Variants in GOLGA3 observed in about 807,000 individuals in gnomAD.
GOLGA3 encodes golgin subfamily A member 3.
Under a neutral mutation model 169.4 loss-of-function variants are expected in GOLGA3, and 75 were observed. The observed-to-expected ratio is 0.44, with a 90% CI of 0.37 to 0.54. The LOEUF (loss-of-function observed/expected upper bound fraction) is 0.54. Among genes scored for constraint, GOLGA3 ranks in the 20% least tolerant of loss-of-function variants. The pLI is 0.00. For synonymous variants in GOLGA3, 824 were observed against 822.4 expected, an observed-to-expected ratio of 1.00 and a Z score of -0.03; for missense variants, 1,899 against 1,930.0, an observed-to-expected ratio of 0.98 and a Z score of 0.30.
At chr12:132,818,084 T>C in intron 2 of GOLGA3, among the ~76,000 whole-genome samples, 1 of 135,588 alleles carries the variant, frequency 7.4e-6, no homozygotes. Flanking sequence ...CCTCCACACC[T>C]CCACGCTCTA....
chr12:132,807,481 G>A (rs10870515), intron 5 of GOLGA3, among the ~76,000 whole-genome samples, 193 bp from the exon 6 acceptor site: 31,143 of 152,144 alleles, frequency 0.2, 3,372 homozygotes, highest in African/African-American at 0.27. Context: ...GGCACCTCAC[G>A]CAGTGGGAAC....
At chr12:132,789,739 A>T (rs2046121461) in intron 12 of GOLGA3, among the ~76,000 whole-genome samples, 1 of 152,100 alleles carries the variant, frequency 6.6e-6, no homozygotes, top group African/African-American at 2.4e-5. Flanking sequence ...ACTCTCAGAA[A>T]TAAAATACAG....
chr12:132,815,953 C>T (rs773131849), intron 3 of GOLGA3, among the ~76,000 whole-genome samples: 1 of 152,062 alleles, frequency 6.6e-6, no homozygotes, highest in Middle Eastern at 3.2e-3. Context: ...AATCCCAACA[C>T]TTTGGGAGGC....
chr12:132,817,578 G>A (rs879121100), intron 2 of GOLGA3, among the ~76,000 whole-genome samples: 1 of 2,396 alleles, frequency 4.2e-4, no homozygotes. Flanking sequence ...ACGTGAACCC[G>A]CCCTCCACTC....
intron 4 of GOLGA3, among the ~76,000 whole-genome samples, chr12:132,812,002 C>CAAAA (rs71076477): frequency 7.3e-4 from 29 of 39,592 alleles, no homozygotes; most frequent in South Asian, 3.1e-3. Context: ...CTCCGTCTCT[C>CAAAA]AAAAAAAAAA....
Position 132,776,748 on chromosome 12 carries a change from A to T in GOLGA3, c.3864T>A (p.Asn1288Lys). The change falls in exon 21 of 24, where the codon AAT (asparagine) becomes AAA (lysine). Residue 1288 changes from asparagine to lysine, a missense_variant. Transcript: ENST00000450791. Reference sequence around the variant, plus strand: ...CTTTCTGATCCACCTCCCATTTGAGATTTTCCATCTAAAGAGGGGAAAGTC... The same window carrying T: ...CTTTCTGATCCACCTCCCATTTGAGTTTTTCCATCTAAAGAGGGGAAAGTC... ...KQPVGNQEME[N>K]LKWEVDQKER... 1 of 1,613,936 alleles carries T rather than the reference A, an allele frequency of 6.2e-7. No individual in the cohort carries two copies. Among genetic ancestry groups the T allele is most frequent in the Non-Finnish European group, 8.5e-7 (1 of 1,179,984 alleles).
chr12:132,786,459 G>T lies in GOLGA3; in HGVS notation c.3003C>A (p.Asn1001Lys). The change falls in exon 15 of 24, where the codon AAC becomes AAA. Residue 1001 changes from asparagine (N) to lysine (K), a missense_variant. By Grantham distance (94) the Asn-to-Lys change is moderately conservative (BLOSUM62 0). Transcript: ENST00000450791. ...EMKTKHKAYE[N>K]AVGILSRRLQ... ...GGCGGCGGCTGAGGATGCCCACGGC[G>T]TTCTCGTAGGCCTTATGTTTGGTCT... 6.2e-7 allele frequency: 1 copy of T among 1,613,618 alleles called. No homozygotes were observed. The highest frequency in any genetic ancestry group is 8.5e-7 in the Non-Finnish European group (1 of 1,179,848).
At position 132,777,481 on chromosome 12, in the gene GOLGA3, C is replaced by G. The variant is rs1469175755; in HGVS notation, c.3722+185G>C. ...CGCTTTCTCTCTTGGGGGGAGGACA[C>G]GGGGCAGTGAGTGAGGCTCAGGATT... On this transcript the variant is annotated intron_variant, in intron 19 of 23. Coordinates refer to ENST00000450791, the MANE Select transcript of GOLGA3 (RefSeq NM_001389683.1). This position sits in a 1 kb window ranked among gnomAD's most constrained non-coding sequence, Gnocchi z 4.7. Among the ~76,000 whole-genome samples, 1 of 152,186 alleles carries G rather than the reference C, an allele frequency of 6.6e-6. No individual in the cohort carries two copies. The highest frequency in any genetic ancestry group is 2.4e-5 in the African/African-American group (1 of 41,442).
Position 132,773,067 on chromosome 12 carries a change from T to C in GOLGA3, c.*38A>G. 2 of 1,388,182 alleles carry C rather than the reference T, an allele frequency of 1.4e-6. No individual in the cohort carries two copies. Among genetic ancestry groups the C allele is most frequent in the Non-Finnish European group, 1.9e-6 (2 of 1,026,374 alleles). 86.0% of individuals were successfully genotyped at this position (1,388,182 alleles called of 1,614,324 possible). ...CAAATAAATAACATTGATAAGAGCC[T>C]TCTGGGGCAGCGGCGCACGGAGGCG... On this transcript the variant is annotated 3_prime_UTR_variant, in exon 24 of 24. Coordinates refer to ENST00000450791, the MANE Select transcript of GOLGA3 (RefSeq NM_001389683.1).
At chr12:132,775,413 C>T in intron 21 of GOLGA3, 108 bp from the exon 22 acceptor site, 10 of 946,428 alleles carry the variant, frequency 1.1e-5, no homozygotes, top group Non-Finnish European at 1.6e-5. Context: ...CTCCTCGGCG[C>T]CATCTAGATG....
chr12:132,773,439 A>AT, intron 23 of GOLGA3, 145 bp from the exon 24 acceptor site: 1 of 433,186 alleles, frequency 2.3e-6, no homozygotes, highest in Non-Finnish European at 4.1e-6. Flanking sequence ...ACAGAAGCTC[A>AT]GCTGTTCTCA....
chr12:132,806,318 G>A (rs1025225754), intron 6 of GOLGA3, among the ~76,000 whole-genome samples: 1 of 152,196 alleles, frequency 6.6e-6, no homozygotes, highest in Non-Finnish European at 1.5e-5. Context: ...CACAGAGGAG[G>A]GGAAATGCAT....
At chr12:132,823,040 G>C (rs1336949648) in intron 1 of GOLGA3, among the ~76,000 whole-genome samples, 2 of 152,226 alleles carry the variant, frequency 1.3e-5, no homozygotes, top group East Asian at 3.8e-4. Context: ...GGACAACTCA[G>C]ATCCAGAGAA....
At chr12:132,785,166 C>T (rs980865771) in intron 15 of GOLGA3, among the ~76,000 whole-genome samples, 18 of 152,218 alleles carry the variant, frequency 1.2e-4, no homozygotes, top group African/African-American at 4.3e-4. Flanking sequence ...TGCTATTCCT[C>T]AGCTGCAACA....
At chr12:132,780,739 G>A (rs1351212835) in intron 18 of GOLGA3, 59 bp downstream of exon 18, 1 of 1,048,306 alleles carries the variant, frequency 9.5e-7, no homozygotes, top group East Asian at 2.4e-5. Flanking sequence ...ACCCTGCATA[G>A]ATTTCTAGGC....
At position 132,804,683 on chromosome 12, in the gene GOLGA3, G is replaced by T; in HGVS notation, c.1597+33C>A. 1.3e-6 allele frequency: 2 copies of T among 1,550,894 alleles called. No individual in the cohort carries two copies. Among genetic ancestry groups the T allele is most frequent in the South Asian group, 1.1e-5 (1 of 87,022 alleles). Reference sequence around the variant, plus strand: ...AGGAGGGAGCAGCAGGGACCAGTCAGGGAGGGGAGGGCGTGGCCAGGGCCA... The same window carrying T: ...AGGAGGGAGCAGCAGGGACCAGTCATGGAGGGGAGGGCGTGGCCAGGGCCA... On this transcript the variant is annotated intron_variant, in intron 7 of 23. Coordinates refer to ENST00000450791, the MANE Select transcript of GOLGA3 (RefSeq NM_001389683.1). The surrounding 1 kb of genome is among the most constrained non-coding windows in gnomAD (Gnocchi z 4.1).
At chr12:132,787,207 C>T (rs1293835757) in intron 13 of GOLGA3, among the ~76,000 whole-genome samples, 2 of 152,144 alleles carry the variant, frequency 1.3e-5, no homozygotes, top group African/African-American at 4.8e-5. Flanking sequence ...CTGCCTCGGC[C>T]TCCCAAAGTG....
In GOLGA3 at chr12:132,786,426, C is replaced by T. The variant is rs754024541; in HGVS notation, c.3036G>A (p.Glu1012=). The change falls in exon 15 of 24, where the codon GAG becomes GAA. Residue 1012 remains glutamate (E), a synonymous_variant. Transcript: ENST00000450791. ...CCGCAGCCTCCTTGGCCGCGAGGGC[C>T]TCCTGCAGGCGGCGGCTGAGGATGC... ...AVGILSRRLQ[E]ALAAKEAADA... 4.3e-6 allele frequency: 7 copies of T among 1,613,400 alleles called. No homozygotes were observed. The East Asian group carries it at 1.6e-4, about 36-fold the overall frequency.
At position 132,776,084 on chromosome 12, in the gene GOLGA3, G is replaced by GGCCGCAT. The variant is rs577627494; in HGVS notation, c.3978+543_3978+549dup. On this transcript the variant is annotated intron_variant, in intron 21 of 23. Coordinates refer to ENST00000450791, the MANE Select transcript of GOLGA3 (RefSeq NM_001389683.1). The stretch of plus-strand genomic sequence containing the variant: ...TCCCCGGGAGCACTGCCTGGCCGCA[G>GGCCGCAT]GCCGCATGGCACAGGAACCAGGGGC... 9.1e-4 allele frequency among the ~76,000 whole-genome samples: 139 copies of GGCCGCAT among 152,322 alleles called. 6 individuals carry two copies. The East Asian group carries it at 0.019, about 20-fold the overall frequency.
Sources: gnomAD v4.1 joint callset for allele counts (sites outside exome capture counted in the v4.1 genomes callset) on GRCh38, gnomAD v4.1.1 for gene constraint, Gnocchi (gnomAD v3.1) non-coding constraint, MANE v1.5 for transcripts, NCBI Gene and HGNC (gene_info 2026-07-23, HGNC 2026-07-21) for gene names.